SLC14A2: variants seen among roughly 807,000 people sequenced by gnomAD.
SLC14A2 encodes solute carrier family 14 member 2.
In SLC14A2, 91 loss-of-function variants were observed where a neutral mutation model predicts 104.6. That is an observed-to-expected ratio of 0.87 (90% CI 0.73 to 1.04). SLC14A2 has a LOEUF of 1.04. Ranked by LOEUF, SLC14A2 falls within the 50% of genes least tolerant of loss-of-function variation. The pLI is 0.00. For synonymous variants in SLC14A2, 476 were observed against 466.4 expected (o/e 1.02, Z -0.27); for missense variants, 1,189 against 1,156.0 (o/e 1.03, Z -0.41).
chr18:45,267,551 A>C (rs1027365633), intron 1 of SLC14A2, among the ~76,000 whole-genome samples: 2 of 152,188 alleles, frequency 1.3e-5, no homozygotes, highest in African/African-American at 4.8e-5. Flanking sequence ...CATTATGAAT[A>C]ATGCAATCAT....
chr18:45,432,714 G>A (rs1482250198), intron 1 of SLC14A2, among the ~76,000 whole-genome samples: 1 of 152,136 alleles, frequency 6.6e-6, no homozygotes, highest in Non-Finnish European at 1.5e-5. Flanking sequence ...CCCAGCATTT[G>A]AGTCTTCCCA....
chr18:45,665,688 CTTTTTTTTTTTT>C (rs146248418), intron 11 of SLC14A2, among the ~76,000 whole-genome samples: 23 of 79,302 alleles, frequency 2.9e-4, no homozygotes, highest in East Asian at 9.8e-4. Context: ...AACCAAGTTT[CTTTTTTTTTTTT>C]TTTTTTTTTT....
chr18:45,265,917 T>G (rs1481594568), intron 1 of SLC14A2, among the ~76,000 whole-genome samples: 23 of 152,152 alleles, frequency 1.5e-4, no homozygotes, highest in Admixed American at 1.5e-3. Flanking sequence ...TAAACAAAAA[T>G]CCTTGCCATC....
chr18:45,186,461 T>C, the SLC14A2 span, among the ~76,000 whole-genome samples: 1 of 152,230 alleles, frequency 6.6e-6, no homozygotes, highest in African/African-American at 2.4e-5. Context: ...GAGATTTAAA[T>C]GTAAAACCTG....
At chr18:45,314,689 T>G (rs1435565149) in intron 1 of SLC14A2, among the ~76,000 whole-genome samples, 1 of 152,212 alleles carries the variant, frequency 6.6e-6, no homozygotes, top group African/African-American at 2.4e-5. Context: ...GGCACATTTT[T>G]TGATGTACTA....
chr18:45,391,756 C>T (rs1400966416), intron 1 of SLC14A2, among the ~76,000 whole-genome samples: 1 of 152,142 alleles, frequency 6.6e-6, no homozygotes, highest in African/African-American at 2.4e-5. Context: ...ATCCTTCGCC[C>T]ACTTTTTGAT....
intron 1 of SLC14A2, among the ~76,000 whole-genome samples, chr18:45,391,877 G>T (rs929915041): frequency 6.6e-6 from 1 of 152,170 alleles, no homozygotes; most frequent in Non-Finnish European, 1.5e-5. Flanking sequence ...TTTGTGGGTT[G>T]CCTGTTCACT....
At chr18:45,668,274 G>C (rs1029212450) in intron 14 of SLC14A2, 75 bp from the exon 15 acceptor site, 5 of 1,575,462 alleles carry the variant, frequency 3.2e-6, no homozygotes, top group Admixed American at 3.6e-5. Flanking sequence ...CAGATAAAAA[G>C]AATCTGACTC....
chr18:45,652,409 T>A (rs1042392519), intron 10 of SLC14A2, among the ~76,000 whole-genome samples: 3 of 152,182 alleles, frequency 2.0e-5, no homozygotes, highest in Non-Finnish European at 4.4e-5. Context: ...CTCTGCAAAT[T>A]GATAACAAGG....
chr18:45,172,991 A>G, the SLC14A2 span, among the ~76,000 whole-genome samples: 11 of 152,280 alleles, frequency 7.2e-5, no homozygotes, highest in African/African-American at 2.6e-4. Flanking sequence ...TTAATAGTTT[A>G]GGATGAGGCA....
chr18:45,510,442 C>T (rs1212375028), intron 2 of SLC14A2, among the ~76,000 whole-genome samples: 6 of 152,176 alleles, frequency 3.9e-5, no homozygotes, highest in Admixed American at 6.5e-5. Context: ...CCCCTCTATG[C>T]GGCTCCTACT....
At chr18:45,284,180 T>G (rs1302761033) in intron 1 of SLC14A2, among the ~76,000 whole-genome samples, 27 of 152,230 alleles carry the variant, frequency 1.8e-4, no homozygotes, top group Non-Finnish European at 1.5e-5. Flanking sequence ...GGCATTACAG[T>G]GTGTTATACA....
chr18:45,218,461 A>G (rs771412590), intron 1 of SLC14A2, among the ~76,000 whole-genome samples: 3 of 152,170 alleles, frequency 2.0e-5, no homozygotes. Context: ...CGGCATCTAT[A>G]TGCATGCTAG....
chr18:45,448,312 A>G (rs1041743250), intron 1 of SLC14A2, among the ~76,000 whole-genome samples: 1 of 152,236 alleles, frequency 6.6e-6, no homozygotes, highest in Non-Finnish European at 1.5e-5. Flanking sequence ...TGCTGAAAGC[A>G]TTGTCAAGAA....
intron 2 of SLC14A2, among the ~76,000 whole-genome samples, chr18:45,508,428 T>C (rs947876196): frequency 1.3e-5 from 2 of 151,596 alleles, no homozygotes; most frequent in Non-Finnish European, 2.9e-5. Context: ...AAAAGGGGAG[T>C]TTCCCTACAC....
chr18:45,263,219 T>G (rs2084557546), intron 1 of SLC14A2, among the ~76,000 whole-genome samples: 2 of 152,206 alleles, frequency 1.3e-5, no homozygotes, highest in South Asian at 4.1e-4. Flanking sequence ...ATTAATTTTG[T>G]AGAATATTCC....
At chr18:45,614,262 T>C (rs1439306190), upstream of SLC14A2, among the ~76,000 whole-genome samples, 2 of 152,202 alleles carry the variant, frequency 1.3e-5, no homozygotes, top group African/African-American at 4.8e-5. Context: ...TCCACTTAGA[T>C]TTCAGAGGAT....
At chr18:45,598,415 A>G (rs1275498878) in intron 2 of SLC14A2, among the ~76,000 whole-genome samples, 2 of 152,020 alleles carry the variant, frequency 1.3e-5, no homozygotes, top group East Asian at 3.9e-4. Context: ...TCTCCTACAA[A>G]TTTCTTAGGT....
chr18:45,486,450 C>G lies in SLC14A2; in HGVS notation c.-35+3128C>G, dbSNP rs2087607676. ...AGTCAGAACACTGCTACCTTTGATC[C>G]CACTTAAAAGCATGGTAACTACCAT... On this transcript the variant is annotated intron_variant, in intron 2 of 20. Transcript: ENST00000586448. Among the ~76,000 whole-genome samples, 3 of 151,982 alleles carry G rather than the reference C, an allele frequency of 2.0e-5. No homozygotes were observed. In the South Asian group the frequency reaches 6.2e-4, roughly 32 times the overall value.
Sources: allele counts gnomAD v4.1 joint callset (sites outside exome capture counted in the v4.1 genomes callset), GRCh38; gene constraint gnomAD v4.1.1; transcripts MANE v1.5; gene names NCBI Gene and HGNC (gene_info 2026-07-23, HGNC 2026-07-21).